Variants in GALNT13 observed in about 807,000 individuals in gnomAD.
GALNT13 encodes the protein UDP-GalNAc:polypeptide N-acetylgalactosaminyltransferase 13.
Under a neutral mutation model 64.2 loss-of-function variants are expected in GALNT13, and 28 were observed. That is an observed-to-expected ratio of 0.44 (90% confidence interval 0.32 to 0.60). GALNT13 has a LOEUF of 0.60. Among genes scored for constraint, GALNT13 ranks in the 20% least tolerant of loss-of-function variants. The probability of loss-of-function intolerance (pLI) is 0.05; values close to 1 mark genes in which losing one functional copy is unlikely to be tolerated. For missense variants in GALNT13, 577 were observed against 669.8 expected (o/e 0.86, Z 1.53); for synonymous variants, 214 against 224.6 (o/e 0.95, Z 0.42).
chr2:154,260,116 G>T (rs994311734), intron 8 of GALNT13, among the ~76,000 whole-genome samples: 1 of 151,664 alleles, frequency 6.6e-6, no homozygotes, highest in Non-Finnish European at 1.5e-5. Flanking sequence ...AAATTCCTGA[G>T]CTCAAGCAAT....
the GALNT13 span, among the ~76,000 whole-genome samples, chr2:153,248,086 A>G: frequency 2.2e-4 from 34 of 152,314 alleles, no homozygotes; most frequent in Non-Finnish European, 3.7e-4. Flanking sequence ...TGCTAACTAA[A>G]AAGAGCCTAG....
intron 4 of GALNT13, among the ~76,000 whole-genome samples, chr2:154,155,662 A>T (rs989298222): frequency 2.0e-5 from 3 of 152,012 alleles, no homozygotes; most frequent in Non-Finnish European, 4.4e-5. Flanking sequence ...AAAAATTCTC[A>T]TTGTATATTA....
At chr2:153,443,965 A>G in the GALNT13 span, among the ~76,000 whole-genome samples, 6 of 152,144 alleles carry the variant, frequency 3.9e-5, no homozygotes, top group African/African-American at 1.4e-4. Flanking sequence ...CATTCTCCCA[A>G]GATTATGTTA....
chr2:153,852,620 T>G, the GALNT13 span, among the ~76,000 whole-genome samples: 1 of 152,192 alleles, frequency 6.6e-6, no homozygotes, highest in Non-Finnish European at 1.5e-5. Context: ...AGTAAGTGTA[T>G]GAAAGACTTG....
chr2:153,251,626 C>A, the GALNT13 span, among the ~76,000 whole-genome samples: 2 of 117,144 alleles, frequency 1.7e-5, no homozygotes, highest in South Asian at 3.5e-4. Flanking sequence ...CCCCCTCCCC[C>A]CACCCCACCA....
intron 8 of GALNT13, among the ~76,000 whole-genome samples, chr2:154,288,499 A>C (rs1397265349): frequency 6.6e-6 from 1 of 152,174 alleles, no homozygotes; most frequent in African/African-American, 2.4e-5. Flanking sequence ...CTCATCTGAG[A>C]CAAGCCATGT....
chr2:153,254,241 C>G, the GALNT13 span, among the ~76,000 whole-genome samples: 1 of 152,036 alleles, frequency 6.6e-6, no homozygotes, highest in South Asian at 2.1e-4. Context: ...TCTAGATTTT[C>G]TAGTTTATTT....
At chr2:154,197,503 T>A (rs1294993671) in intron 4 of GALNT13, among the ~76,000 whole-genome samples, 2 of 151,996 alleles carry the variant, frequency 1.3e-5, no homozygotes, top group African/African-American at 4.8e-5. Flanking sequence ...AATGAGTACA[T>A]CTACCTCACG....
At chr2:153,921,343 A>G (rs969256869) in intron 2 of GALNT13, among the ~76,000 whole-genome samples, 3 of 152,144 alleles carry the variant, frequency 2.0e-5, no homozygotes, top group Admixed American at 2.0e-4. Flanking sequence ...GGATACTACT[A>G]TAGTAAGTAA....
chr2:153,995,565 A>G (rs1326659405), intron 3 of GALNT13, among the ~76,000 whole-genome samples: 2 of 152,096 alleles, frequency 1.3e-5, no homozygotes, highest in African/African-American at 2.4e-5. Flanking sequence ...TTTATAGGGT[A>G]CAGTGTGTTG....
intron 9 of GALNT13, among the ~76,000 whole-genome samples, chr2:154,379,873 GA>G (rs1030859189): frequency 3.4e-4 from 51 of 152,068 alleles, no homozygotes; most frequent in African/African-American, 1.1e-3. Flanking sequence ...TGAACCCCAT[GA>G]AAATATTAAT....
At chr2:153,677,775 A>G in the GALNT13 span, among the ~76,000 whole-genome samples, 4 of 152,036 alleles carry the variant, frequency 2.6e-5, no homozygotes, top group African/African-American at 9.7e-5. Flanking sequence ...AAAACAAACA[A>G]TGGGGAAAGG....
chr2:154,364,291 C>A (rs1005148491), intron 9 of GALNT13, among the ~76,000 whole-genome samples: 2 of 152,138 alleles, frequency 1.3e-5, no homozygotes, highest in Admixed American at 6.5e-5. Flanking sequence ...AATAGTGCAA[C>A]CTCTTTGTTA....
intron 3 of GALNT13, 140 bp from the exon 4 acceptor site, chr2:154,140,197 T>C: frequency 1.7e-6 from 1 of 577,876 alleles, no homozygotes; most frequent in Non-Finnish European, 3.0e-6. Context: ...TGGTTTATAA[T>C]CAGTAAAATC....
intron 3 of GALNT13, among the ~76,000 whole-genome samples, chr2:154,038,426 C>A (rs186668189): frequency 2.0e-5 from 3 of 151,960 alleles, no homozygotes; most frequent in African/African-American, 4.8e-5. Flanking sequence ...ACACATAGAC[C>A]AATAGAACAG....
the GALNT13 span, among the ~76,000 whole-genome samples, chr2:153,099,288 G>C: frequency 2.0e-5 from 3 of 152,066 alleles, no homozygotes; most frequent in Non-Finnish European, 4.4e-5. Context: ...TGGCTTTTCA[G>C]TTCAGCATTG....
chr2:153,221,364 C>T, the GALNT13 span, among the ~76,000 whole-genome samples: 1 of 152,110 alleles, frequency 6.6e-6, no homozygotes, highest in African/African-American at 2.4e-5. Flanking sequence ...GTCGTCTAAA[C>T]CACTTTAAAC....
chr2:153,821,012 GAGAA>G, the GALNT13 span, among the ~76,000 whole-genome samples: 63,300 of 151,590 alleles, frequency 0.42, 14,140 homozygotes, highest in Admixed American at 0.57. Flanking sequence ...TAAAGAGTTG[GAGAA>G]AGATATATCA....
At chr2:153,537,461 G>A in the GALNT13 span, among the ~76,000 whole-genome samples, 1 of 152,118 alleles carries the variant, frequency 6.6e-6, no homozygotes, top group African/African-American at 2.4e-5. Flanking sequence ...TGTCTTGGGT[G>A]GCTGATAAAT....
Sources: allele counts gnomAD v4.1 joint callset (sites outside exome capture counted in the v4.1 genomes callset), GRCh38; gene constraint gnomAD v4.1.1; transcripts MANE v1.5; gene names NCBI Gene and HGNC (gene_info 2026-07-23, HGNC 2026-07-21).